The following SSPN variants were observed in gnomAD, a reference collection of about 807,000 sequenced individuals.
The protein encoded by SSPN is sarcospan.
SSPN carries 15 observed loss-of-function variants against 19.1 expected under a neutral mutation model. The observed-to-expected ratio is 0.78, with a 90% confidence interval of 0.52 to 1.21. The LOEUF (loss-of-function observed/expected upper bound fraction) is 1.21. Ranked by LOEUF, SSPN falls within the 50% of genes most tolerant of loss-of-function variation. SSPN has a pLI of 0.00. For synonymous variants in SSPN, 147 were observed against 140.3 expected (o/e 1.05, Z -0.34); for missense variants, 291 against 314.0 (o/e 0.93, Z 0.55).
At chr12:26,154,468 A>T (rs565690541) in intron 1 of SSPN, among the ~76,000 whole-genome samples, 2 of 152,278 alleles carry the variant, frequency 1.3e-5, no homozygotes, top group African/African-American at 4.8e-5. Context: ...GTAGAGTTTC[A>T]GGGGGATCCT....
intron 1 of SSPN, among the ~76,000 whole-genome samples, chr12:26,169,624 C>T (rs372865956): frequency 6.6e-6 from 1 of 151,866 alleles, no homozygotes; most frequent in African/African-American, 2.4e-5. Flanking sequence ...GAGAATAGCT[C>T]TTCCTTTCAG....
chr12:26,132,995 G>A (rs565044779), intron 1 of SSPN, among the ~76,000 whole-genome samples: 1 of 152,324 alleles, frequency 6.6e-6, no homozygotes, highest in Middle Eastern at 3.4e-3. Context: ...GTTAGACTTA[G>A]CTAATTTCCT....
At chr12:26,127,599 A>G (rs1010211710) in intron 1 of SSPN, among the ~76,000 whole-genome samples, 5 of 151,342 alleles carry the variant, frequency 3.3e-5, no homozygotes, top group African/African-American at 4.9e-5. Flanking sequence ...TCCTTTACAT[A>G]TTCACCTTTT....
intron 2 of SSPN, among the ~76,000 whole-genome samples, chr12:26,229,224 A>G (rs1474341284): frequency 6.6e-6 from 1 of 151,094 alleles, no homozygotes; most frequent in Non-Finnish European, 1.5e-5. Flanking sequence ...GATACTAATT[A>G]AGATGTATTA....
chr12:26,217,559 C>A (rs561576098), intron 1 of SSPN, among the ~76,000 whole-genome samples: 23 of 105,744 alleles, frequency 2.2e-4, no homozygotes, highest in African/African-American at 8.1e-4. Context: ...TAATTGAATA[C>A]CCTTTATTTC....
intron 1 of SSPN, among the ~76,000 whole-genome samples, chr12:26,150,254 A>G (rs1944517615): frequency 6.6e-6 from 1 of 152,174 alleles, no homozygotes; most frequent in African/African-American, 2.4e-5. Flanking sequence ...CTCACACATC[A>G]GGCTTTCCAC....
Position 26,171,823 on chromosome 12 carries a change from C to T in SSPN, c.-31+49671C>T, listed in dbSNP as rs149381974. Among the ~76,000 whole-genome samples the T allele has an allele frequency of 6.4e-4, 98 of 152,158 alleles. 1 individual carries two copies. The East Asian group carries it at 0.018, about 28-fold the overall frequency. The stretch of plus-strand genomic sequence containing the variant: ...GTAATTCTTAAGAACATAAAGAGTT[C>T]CTAAAACCTAACTTTTTGGGACTGT... On this transcript the variant is annotated intron_variant, in intron 1 of 2. Coordinates refer to the SSPN transcript ENST00000538142.
chr12:26,148,485 G>T (rs1233257740), intron 1 of SSPN, among the ~76,000 whole-genome samples: 1 of 152,152 alleles, frequency 6.6e-6, no homozygotes, highest in Non-Finnish European at 1.5e-5. Context: ...ATAAAGAACG[G>T]GCCAACATGA....
At chr12:26,123,992 ATTC>A (rs1237874769) in intron 1 of SSPN, 1 of 1,023,416 alleles carries the variant, frequency 9.8e-7, no homozygotes, top group African/African-American at 1.6e-5. Context: ...ATTTACATTT[ATTC>A]TTATATTTTC....
chr12:26,181,742 G>A (rs1944719701), intron 1 of SSPN, among the ~76,000 whole-genome samples: 1 of 152,174 alleles, frequency 6.6e-6, no homozygotes, highest in Non-Finnish European at 1.5e-5. Flanking sequence ...TAAACTAAAT[G>A]CAGCACGTTG....
intron 1 of SSPN, among the ~76,000 whole-genome samples, chr12:26,141,426 T>C (rs111351568): frequency 2.0e-5 from 3 of 152,326 alleles, no homozygotes; most frequent in African/African-American, 7.2e-5. Flanking sequence ...AAGACTTCTA[T>C]CTCAAAGAAC....
At chr12:26,179,834 C>T (rs1310418885) in intron 1 of SSPN, among the ~76,000 whole-genome samples, 4 of 150,702 alleles carry the variant, frequency 2.7e-5, no homozygotes, top group Admixed American at 6.6e-5. Context: ...CATATGTATA[C>T]GGTGTTGCAG....
chr12:26,137,407 C>G (rs1464107525), intron 1 of SSPN, among the ~76,000 whole-genome samples: 1 of 151,992 alleles, frequency 6.6e-6, no homozygotes, highest in Non-Finnish European at 1.5e-5. Flanking sequence ...GCTTTGGGGT[C>G]TGAAACTGTG....
rs762307774 is a variant in SSPN at position 26,123,166 on chromosome 12, C to T, written c.-31+1014C>T. On this transcript the variant is annotated intron_variant, in intron 1 of 2. Coordinates refer to the SSPN transcript ENST00000538142. Reference sequence around the variant, plus strand: ...TGAATGGGCGATTTCAGAGATCGCTCCCCTAGGATGAGGAAGGGATGGGGG... The same window carrying T: ...TGAATGGGCGATTTCAGAGATCGCTTCCCTAGGATGAGGAAGGGATGGGGG... The T allele has an allele frequency of 1.6e-5, 26 of 1,587,546 alleles. No homozygotes were observed. Among genetic ancestry groups the T allele is most frequent in the Middle Eastern group, 1.7e-4 (1 of 5,982 alleles).
At chr12:26,186,214 A>AAT (rs1944753205) in intron 1 of SSPN, among the ~76,000 whole-genome samples, 1 of 148,174 alleles carries the variant, frequency 6.7e-6, no homozygotes, top group Non-Finnish European at 1.5e-5. Context: ...TAAAAAAAAA[A>AAT]CAACAACCAT....
chr12:26,195,877 G>A lies in SSPN; in HGVS notation c.205G>A (p.Val69Met). Residue 69 changes from valine to methionine, a missense_variant, in exon 1 of 3, where the codon GTG (valine) becomes ATG (methionine). By Grantham distance (21) the Val-to-Met change is conservative. Transcript: ENST00000242729. The part of the protein sequence containing the change: ...LQLALGIAVT[V>M]VGFLMASISS... Reference sequence around the variant, plus strand: ...GCTGGCCCTGGGCATCGCCGTGACCGTGGTGGGCTTCCTCATGGCGAGCAT... The same window carrying A: ...GCTGGCCCTGGGCATCGCCGTGACCATGGTGGGCTTCCTCATGGCGAGCAT... 6.4e-7 allele frequency: 1 copy of A among 1,573,356 alleles called. No individual in the cohort carries two copies. The highest frequency in any genetic ancestry group is 2.4e-5 in the East Asian group (1 of 41,004).
At chr12:26,129,099 G>T (rs1436025947) in intron 1 of SSPN, among the ~76,000 whole-genome samples, 1 of 152,092 alleles carries the variant, frequency 6.6e-6, no homozygotes, top group Non-Finnish European at 1.5e-5. Flanking sequence ...TTAACTCCAG[G>T]GTGTTTTAGG....
intron 1 of SSPN, among the ~76,000 whole-genome samples, chr12:26,213,512 G>A (rs1945014486): frequency 1.3e-5 from 2 of 151,682 alleles, no homozygotes; most frequent in African/African-American, 4.8e-5. Context: ...TCTGTCTTTA[G>A]GTATGTGGCC....
Position 26,122,655 on chromosome 12 carries a change from C to T in SSPN, c.-31+503C>T, listed in dbSNP as rs1944322231. On this transcript the variant is annotated intron_variant, in intron 1 of 2. Transcript: ENST00000538142. ...GCCCCCCGGGCCGCCGCCGCTGCCG[C>T]CGCCGCGGGAATCCAGCTTCATCCT... 6 of 1,378,622 alleles carry T rather than the reference C, an allele frequency of 4.4e-6. No individual in the cohort carries two copies. The highest frequency in any genetic ancestry group is 5.6e-6 in the Non-Finnish European group (6 of 1,063,296). The allele number at this position is 1,378,622 out of a possible 1,614,324, so 85.4% of individuals were successfully genotyped here.
Sources: allele counts gnomAD v4.1 joint callset (sites outside exome capture counted in the v4.1 genomes callset), GRCh38; gene constraint gnomAD v4.1.1; transcripts MANE v1.5; gene names NCBI Gene and HGNC (gene_info 2026-07-23, HGNC 2026-07-21).